Variants in TMEM132B observed in about 807,000 individuals in gnomAD.
TMEM132B encodes transmembrane protein 132B.
TMEM132B carries 18 observed loss-of-function variants against 90.8 expected under a neutral mutation model. The observed-to-expected ratio is 0.20, with a 90% CI of 0.14 to 0.29. TMEM132B has a LOEUF of 0.29. Among genes scored for constraint, TMEM132B ranks in the 10% least tolerant of loss-of-function variants. The pLI, the probability that TMEM132B is intolerant of heterozygous loss-of-function variation, is 1.00. For synonymous variants in TMEM132B, 504 were observed against 523.3 expected (o/e 0.96, Z 0.50); for missense variants, 1,096 against 1,326.8 (o/e 0.83, Z 2.70).
chr12:125,405,140 C>T (rs1378371540), intron 2 of TMEM132B, among the ~76,000 whole-genome samples: 5 of 152,220 alleles, frequency 3.3e-5, no homozygotes, highest in South Asian at 2.1e-4. Flanking sequence ...TTTATTCTCT[C>T]ACAGTTCCAG....
At chr12:125,303,143 C>A (rs988149880) in intron 1 of TMEM132B, among the ~76,000 whole-genome samples, 3 of 151,932 alleles carry the variant, frequency 2.0e-5, no homozygotes, top group Non-Finnish European at 4.4e-5. Flanking sequence ...GCAAAAACTC[C>A]TCATTTCTCC....
intron 1 of TMEM132B, among the ~76,000 whole-genome samples, chr12:125,302,505 C>T (rs927190129): frequency 3.3e-5 from 5 of 152,064 alleles, no homozygotes; most frequent in Non-Finnish European, 7.4e-5. Context: ...CGTTATACAG[C>T]ACTATTGTGG....
intron 4 of TMEM132B, among the ~76,000 whole-genome samples, chr12:125,576,807 T>C (rs1884951143): frequency 6.6e-6 from 1 of 152,050 alleles, no homozygotes; most frequent in Non-Finnish European, 1.5e-5. Flanking sequence ...CCTGCATCCC[T>C]GGGATAATTC....
At chr12:125,443,079 A>T (rs1012202942) in intron 3 of TMEM132B, among the ~76,000 whole-genome samples, 3 of 152,220 alleles carry the variant, frequency 2.0e-5, no homozygotes, top group Non-Finnish European at 4.4e-5. Context: ...TTGCTGAGAG[A>T]GGCATGCTGA....
At position 125,557,562 on chromosome 12, in the gene TMEM132B, A is replaced by G. The variant is rs548800416; in HGVS notation, c.1294-26289A>G. ...ACTATCCATATTAAGTAAAATGCCA[A>G]TTCAACTGTGCTTTTGTTTAGTAGG... is the stretch of plus-strand genomic sequence containing the variant. On this transcript the variant is annotated intron_variant, in intron 4 of 8. Coordinates refer to ENST00000682704, the MANE Select transcript of TMEM132B (RefSeq NM_001366854.1). Among the ~76,000 whole-genome samples the G allele has an allele frequency of 5.9e-5, 9 of 152,198 alleles. No individual in the cohort carries two copies. The South Asian group carries it at 1.4e-3, about 24-fold the overall frequency.
rs1476164919 is a variant in TMEM132B at position 125,424,393 on chromosome 12, A to T, written c.1106+8716A>T. On this transcript the variant is annotated intron_variant, in intron 3 of 8. Transcript: ENST00000682704. ...CAACAGTGGGCCTTACCTTAAAAAA[A>T]TTAATTTGATAGTTGAAATATGGCT... Among the ~76,000 whole-genome samples the T allele has an allele frequency of 2.0e-5, 3 of 152,324 alleles. No homozygotes were observed. In the East Asian group the frequency reaches 5.8e-4, roughly 29 times the overall value.
chr12:125,198,430 C>T (rs150653833), intron 1 of TMEM132B, among the ~76,000 whole-genome samples: 18 of 152,280 alleles, frequency 1.2e-4, no homozygotes, highest in African/African-American at 4.3e-4. Context: ...CAGCCTCCCC[C>T]CTTCTGATGG....
chr12:125,533,804 C>T (rs192772525), intron 4 of TMEM132B, among the ~76,000 whole-genome samples: 2 of 152,262 alleles, frequency 1.3e-5, no homozygotes, highest in African/African-American at 4.8e-5. Flanking sequence ...CCCGAGCCAG[C>T]GCTCAGCGCA....
chr12:125,600,005 A>G (rs1483157251), intron 5 of TMEM132B, among the ~76,000 whole-genome samples: 1 of 152,194 alleles, frequency 6.6e-6, no homozygotes, highest in Non-Finnish European at 1.5e-5. Context: ...ATGGGTGGAC[A>G]GGTGGGGGCT....
At chr12:125,437,589 T>C (rs73410399) in intron 3 of TMEM132B, among the ~76,000 whole-genome samples, 2,415 of 151,480 alleles carry the variant, frequency 0.016, 65 homozygotes, top group African/African-American at 0.055. Context: ...CATGCTCATA[T>C]GGATAAAGAA....
At chr12:125,581,509 T>C (rs946555828) in intron 4 of TMEM132B, among the ~76,000 whole-genome samples, 1 of 152,206 alleles carries the variant, frequency 6.6e-6, no homozygotes, top group South Asian at 2.1e-4. Context: ...ATACCTGGAT[T>C]GACTGTATTT....
intron 1 of TMEM132B, among the ~76,000 whole-genome samples, chr12:125,252,074 C>G (rs1037553720): frequency 3.3e-5 from 5 of 152,238 alleles, no homozygotes; most frequent in Non-Finnish European, 1.5e-5. Context: ...TACACTGACA[C>G]TGGTGCACCC....
At chr12:125,450,934 A>G (rs1278299691) in intron 3 of TMEM132B, among the ~76,000 whole-genome samples, 3 of 152,148 alleles carry the variant, frequency 2.0e-5, no homozygotes, top group African/African-American at 2.4e-5. Context: ...ATGAGGAAAC[A>G]TTAGACAAAC....
intron 4 of TMEM132B, among the ~76,000 whole-genome samples, chr12:125,530,266 G>T (rs977194712): frequency 2.7e-5 from 4 of 150,504 alleles, no homozygotes; most frequent in African/African-American, 7.3e-5. Context: ...CCCTATTGAC[G>T]AATATTTAGG....
chr12:125,618,647 A>G (rs1886046308), intron 5 of TMEM132B, among the ~76,000 whole-genome samples: 1 of 152,166 alleles, frequency 6.6e-6, no homozygotes, highest in Non-Finnish European at 1.5e-5. Flanking sequence ...TTCCATTTAA[A>G]TGGTTAAACC....
At chr12:125,468,869 G>A (rs1247738806) in intron 3 of TMEM132B, among the ~76,000 whole-genome samples, 1 of 152,052 alleles carries the variant, frequency 6.6e-6, no homozygotes, top group African/African-American at 2.4e-5. Context: ...TTGTAAATGG[G>A]ATTGTTTTAA....
chr12:125,515,318 C>T (rs1883094230), intron 3 of TMEM132B, among the ~76,000 whole-genome samples: 1 of 151,844 alleles, frequency 6.6e-6, no homozygotes. Context: ...TTCACATGTT[C>T]TCTTACAGAA....
chr12:125,204,879 A>G (rs1873142150), intron 1 of TMEM132B, among the ~76,000 whole-genome samples: 2 of 143,118 alleles, frequency 1.4e-5, no homozygotes, highest in Non-Finnish European at 3.1e-5. Context: ...GGAGTATCTC[A>G]TGAATCCTTT....
chr12:125,652,610 A>G lies in TMEM132B; in HGVS notation c.2084A>G (p.Asp695Gly), dbSNP rs1404642868. The change falls in exon 8 of 9, where the codon GAT becomes GGT. Residue 695 changes from aspartate (D) to glycine (G), a missense_variant. By Grantham distance (94) the Asp-to-Gly change is moderately conservative. Transcript: ENST00000682704. Reference protein sequence around the residue: ...RAIVSTAAALDVLQSPQQEAI... With the variant: ...RAIVSTAAALGVLQSPQQEAI... ...ATCGTCTCCACAGCTGCTGCCCTGGATGTTCTTCAGTCCCCACAGCAGGTG... is the reference window on the plus strand; with the variant it reads ...ATCGTCTCCACAGCTGCTGCCCTGGGTGTTCTTCAGTCCCCACAGCAGGTG... The G allele has an allele frequency of 6.2e-7, 1 of 1,613,016 alleles. No individual in the cohort carries two copies. Among genetic ancestry groups the G allele is most frequent in the Admixed American group, 1.7e-5 (1 of 59,920 alleles).
Sources: gnomAD v4.1 joint callset for allele counts (sites outside exome capture counted in the v4.1 genomes callset) on GRCh38, gnomAD v4.1.1 for gene constraint, MANE v1.5 for transcripts, NCBI Gene and HGNC (gene_info 2026-07-23, HGNC 2026-07-21) for gene names.